TRPM1: variants seen among roughly 807,000 people sequenced by gnomAD.
TRPM1 encodes the protein TRPM1-203 APA Isoform, Intron 10.
TRPM1 carries 113 observed loss-of-function variants against 149.4 expected under a neutral mutation model. That is an observed-to-expected ratio of 0.76 (90% CI 0.65 to 0.88). TRPM1 has a LOEUF of 0.88. Ranked by LOEUF, TRPM1 falls within the 40% of genes least tolerant of loss-of-function variation. The pLI is 0.00. For missense variants in TRPM1, 1,976 were observed against 2,038.7 expected (o/e 0.97, Z 0.59); for synonymous variants, 741 against 759.5 (o/e 0.98, Z 0.40).
At chr15:31,118,527 G>T in intron 1 of TRPM1, among the ~76,000 whole-genome samples, 1 of 152,090 alleles carries the variant, frequency 6.6e-6, no homozygotes, top group African/African-American at 2.4e-5. Flanking sequence ...AAAACAAGAT[G>T]GCTTAGTCAG....
chr15:31,066,925 G>T, intron 6 of TRPM1, 138 bp downstream of exon 6: 1 of 1,148,590 alleles, frequency 8.7e-7, no homozygotes, highest in Non-Finnish European at 1.3e-6. Context: ...GGTTTTGCAA[G>T]ATGTTACCAT....
chr15:31,088,849 GC>G (rs1401705682), intron 1 of TRPM1, among the ~76,000 whole-genome samples: 1 of 135,600 alleles, frequency 7.4e-6, no homozygotes, highest in African/African-American at 2.8e-5. Context: ...GATGCGATAA[GC>G]CCTGCTGCGG....
intron 9 of TRPM1, among the ~76,000 whole-genome samples, chr15:31,061,723 C>T (rs547687111): frequency 2.0e-5 from 3 of 147,504 alleles, no homozygotes; most frequent in South Asian, 2.1e-4. Context: ...TCGCTCTTGT[C>T]GCCCAGGCTG....
At chr15:31,057,091 G>C (rs2140948913) in intron 11 of TRPM1, among the ~76,000 whole-genome samples, 1 of 152,322 alleles carries the variant, frequency 6.6e-6, no homozygotes, top group African/African-American at 2.4e-5. Context: ...GTAGACAACT[G>C]TACAGTAGGC....
chr15:31,007,405 G>A (rs1296300969), intron 27 of TRPM1, among the ~76,000 whole-genome samples: 1 of 152,094 alleles, frequency 6.6e-6, no homozygotes, highest in Non-Finnish European at 1.5e-5. Context: ...TAGCTTCACA[G>A]TAAGCCTTAA....
chr15:31,108,137 C>T (rs1208207538), intron 1 of TRPM1, among the ~76,000 whole-genome samples: 6 of 148,970 alleles, frequency 4.0e-5, no homozygotes, highest in Non-Finnish European at 5.9e-5. Flanking sequence ...GGTTTACAGG[C>T]GTGAGCCACC....
intron 1 of TRPM1, among the ~76,000 whole-genome samples, chr15:31,088,210 A>G (rs1250330356): frequency 6.6e-6 from 1 of 152,094 alleles, no homozygotes; most frequent in Non-Finnish European, 1.5e-5. Flanking sequence ...ACCAATCAGC[A>G]CTCTTTAAAA....
chr15:31,060,341 T>C, intron 11 of TRPM1: 1 of 623,626 alleles, frequency 1.6e-6, no homozygotes, highest in Non-Finnish European at 2.9e-6. Context: ...TCTTCAGGAG[T>C]ACTGGTTTGA....
chr15:31,129,479 C>T (rs1319243040), intron 1 of TRPM1, among the ~76,000 whole-genome samples: 3 of 152,208 alleles, frequency 2.0e-5, no homozygotes, highest in Non-Finnish European at 4.4e-5. Flanking sequence ...CACCTGGCCG[C>T]CTCCAGTGCC....
chr15:31,031,645 A>G (rs2033086256), intron 22 of TRPM1, among the ~76,000 whole-genome samples: 1 of 152,338 alleles, frequency 6.6e-6, no homozygotes, highest in Middle Eastern at 3.4e-3. Context: ...AATTTTGAAC[A>G]TCCCTGAAGA....
intron 27 of TRPM1, among the ~76,000 whole-genome samples, chr15:31,004,366 G>T (rs1461441054): frequency 6.6e-6 from 1 of 151,794 alleles, no homozygotes; most frequent in Non-Finnish European, 1.5e-5. Flanking sequence ...TCAGCTCTGT[G>T]CTTGACTGCA....
intron 2 of TRPM1, among the ~76,000 whole-genome samples, chr15:31,077,555 AG>A (rs1462297874): frequency 6.6e-6 from 1 of 152,250 alleles, no homozygotes. Flanking sequence ...GTCAGTTGGC[AG>A]AGAGAGCTGG....
intron 27 of TRPM1, among the ~76,000 whole-genome samples, chr15:31,016,532 T>C (rs769398235): frequency 6.6e-6 from 1 of 152,114 alleles, no homozygotes; most frequent in Non-Finnish European, 1.5e-5. Flanking sequence ...CAGAAAAAAA[T>C]TCCACTTATG....
chr15:31,117,698 A>ACT lies in TRPM1; in HGVS notation c.55-40716_55-40715dup, dbSNP rs2035820759. On this transcript the variant is annotated intron_variant, in intron 1 of 26. Transcript: ENST00000542188. ...CACACACACACACACACACACACAC[A>ACT]CTAAGGGCTCTAATGAACAAAGTGG... Among the ~76,000 whole-genome samples, 5 of 143,706 alleles carry ACT rather than the reference A, an allele frequency of 3.5e-5. 1 individual carries two copies. The highest frequency in any genetic ancestry group is 3.5e-4 in the Admixed American group (5 of 14,442). The allele number at this position is 143,706 out of a possible 152,430, so 94.3% of individuals were successfully genotyped here. A position where few individuals can be genotyped will look rare whatever the true frequency, so the allele number is the denominator to read the frequency against.
At chr15:31,154,869 G>A (rs1398782303) in intron 1 of TRPM1, among the ~76,000 whole-genome samples, 1 of 151,822 alleles carries the variant, frequency 6.6e-6, no homozygotes, top group Non-Finnish European at 1.5e-5. Flanking sequence ...AGGATGACAG[G>A]TCTGACTCCC....
intron 1 of TRPM1, among the ~76,000 whole-genome samples, chr15:31,139,645 A>T (rs563137338): frequency 6.6e-6 from 1 of 152,354 alleles, no homozygotes; most frequent in South Asian, 2.1e-4. Context: ...GGTAAGTAAG[A>T]CTAGTTTAAT....
intron 2 of TRPM1, among the ~76,000 whole-genome samples, chr15:31,080,778 T>C (rs1406222329): frequency 7.7e-6 from 1 of 129,862 alleles, no homozygotes; most frequent in Non-Finnish European, 1.6e-5. Context: ...ACACTTTCCC[T>C]GGCAGCCCCT....
chr15:31,133,925 G>C (rs2036054202), intron 1 of TRPM1, among the ~76,000 whole-genome samples: 1 of 152,162 alleles, frequency 6.6e-6, no homozygotes, highest in African/African-American at 2.4e-5. Flanking sequence ...AGTGATAAGG[G>C]CTGGGAGGGG....
intron 1 of TRPM1, among the ~76,000 whole-genome samples, chr15:31,112,890 T>C (rs186559042): frequency 6.6e-6 from 1 of 152,316 alleles, no homozygotes; most frequent in East Asian, 1.9e-4. Flanking sequence ...TCAAACTCAT[T>C]TGCCCATAGG....
Sources: gnomAD v4.1 joint callset for allele counts (sites outside exome capture counted in the v4.1 genomes callset) on GRCh38, gnomAD v4.1.1 for gene constraint, MANE v1.5 for transcripts, NCBI Gene and HGNC (gene_info 2026-07-23, HGNC 2026-07-21) for gene names.